The following CDH17 variants were observed in gnomAD, a reference collection of about 807,000 sequenced individuals.
The protein encoded by CDH17 is cadherin-17.
CDH17 carries 67 observed loss-of-function variants against 86.3 expected under a neutral mutation model. That is an observed-to-expected ratio of 0.78 (90% CI 0.64 to 0.95). CDH17 has a LOEUF of 0.95. Among genes scored for constraint, CDH17 ranks in the 40% least tolerant of loss-of-function variants. CDH17 has a pLI of 0.00. For synonymous variants in CDH17, 367 were observed against 366.4 expected (o/e 1.00, Z -0.02); for missense variants, 993 against 1,017.6 (o/e 0.98, Z 0.33).
intron 15 of CDH17, among the ~76,000 whole-genome samples, chr8:94,135,384 T>C (rs1812503058): frequency 6.6e-6 from 1 of 152,244 alleles, no homozygotes; most frequent in Admixed American, 6.5e-5. Flanking sequence ...GCTCTTCTTG[T>C]TGAATTGATC....
At chr8:94,169,105 A>G (rs1356615836) in intron 9 of CDH17, among the ~76,000 whole-genome samples, 1 of 152,172 alleles carries the variant, frequency 6.6e-6, no homozygotes, top group Non-Finnish European at 1.5e-5. Context: ...GATTGGCCCA[A>G]TGTAAAAGAG....
At chr8:94,195,744 A>G (rs998217419) in intron 1 of CDH17, among the ~76,000 whole-genome samples, 1 of 145,850 alleles carries the variant, frequency 6.9e-6, no homozygotes, top group African/African-American at 2.6e-5. Flanking sequence ...CCCCTCCCCA[A>G]AAGACAGTCA....
intron 1 of CDH17, among the ~76,000 whole-genome samples, chr8:94,216,650 A>G (rs936061453): frequency 1.2e-4 from 18 of 151,212 alleles, no homozygotes; most frequent in African/African-American, 3.4e-4. Flanking sequence ...AACCAGGACT[A>G]TATCTAAAGG....
chr8:94,150,315 C>T (rs574074141), intron 13 of CDH17, among the ~76,000 whole-genome samples: 1 of 152,170 alleles, frequency 6.6e-6, no homozygotes, highest in African/African-American at 2.4e-5. Flanking sequence ...ACGGCAGGGG[C>T]AAGGACGAAT....
At chr8:94,175,532 A>C (rs2130643925) in intron 5 of CDH17, among the ~76,000 whole-genome samples, 1 of 152,328 alleles carries the variant, frequency 6.6e-6, no homozygotes, top group East Asian at 1.9e-4. Flanking sequence ...CTAATACAGT[A>C]AATGTTAATA....
Position 94,127,929 on chromosome 8 carries a change from TTAAAAATACAAAAA to T in CDH17, c.*297_*310del, listed in dbSNP as rs1206247542. 7.4e-6 allele frequency: 2 copies of T among 269,350 alleles called. No individual in the cohort carries two copies. The highest frequency in any genetic ancestry group is 1.3e-3 in the Middle Eastern group (1 of 770). 16.7% of individuals were successfully genotyped at this position (269,350 alleles called of 1,614,324 possible). On this transcript the variant is annotated 3_prime_UTR_variant, in exon 18 of 18. Coordinates refer to ENST00000027335, the MANE Select transcript of CDH17 (RefSeq NM_004063.4). ...GCCAAATGGCGAAACCCCGTCTCTA[TTAAAAATACAAAAA>T]TTAGCTGGGCATGGTGGTGGGTGCC...
At chr8:94,178,482 C>G (rs1813416510) in intron 3 of CDH17, among the ~76,000 whole-genome samples, 1 of 151,862 alleles carries the variant, frequency 6.6e-6, no homozygotes, top group African/African-American at 2.4e-5. Context: ...ATAATTTACC[C>G]TAAGGAAATA....
intron 1 of CDH17, among the ~76,000 whole-genome samples, chr8:94,195,792 G>C (rs889697362): frequency 6.7e-6 from 1 of 148,700 alleles, no homozygotes; most frequent in African/African-American, 2.5e-5. Context: ...ACAGAGTCCT[G>C]CTCTGTCGCC....
chr8:94,216,562 T>TG (rs1363100318), intron 1 of CDH17, among the ~76,000 whole-genome samples: 2 of 37,066 alleles, frequency 5.4e-5, no homozygotes, highest in South Asian at 1.3e-3. Context: ...CCAGAGGGTT[T>TG]GTTTTTTTTT....
chr8:94,196,835 T>C (rs974165485), intron 1 of CDH17, among the ~76,000 whole-genome samples: 13 of 152,256 alleles, frequency 8.5e-5, no homozygotes, highest in Middle Eastern at 6.8e-3. Context: ...GGCGGCTCCA[T>C]CTTCCCTTTT....
chr8:94,139,947 G>GA (rs1303028671), intron 15 of CDH17, among the ~76,000 whole-genome samples: 2 of 151,756 alleles, frequency 1.3e-5, no homozygotes, highest in Admixed American at 6.6e-5. Context: ...AGTACTGAAA[G>GA]AAAAAATGTC....
intron 1 of CDH17, chr8:94,201,948 C>A (rs575572144): frequency 9.9e-6 from 2 of 202,302 alleles, no homozygotes; most frequent in Non-Finnish European, 2.0e-5. Flanking sequence ...ATTCCATTCA[C>A]CAGGGCACAC....
At chr8:94,188,941 C>A (rs939856344) in intron 3 of CDH17, among the ~76,000 whole-genome samples, 15 of 152,186 alleles carry the variant, frequency 9.9e-5, no homozygotes, top group African/African-American at 3.4e-4. Flanking sequence ...AGCCACCAAG[C>A]TCCCTGCAGA....
chr8:94,199,059 ATATATATATATATATATATATATATT>A (rs1376622823), intron 1 of CDH17, among the ~76,000 whole-genome samples: 54 of 76,038 alleles, frequency 7.1e-4, no homozygotes, highest in Middle Eastern at 7.5e-3. Context: ...ATATATATAT[ATATATATATATATATATATATATATT>A]TTTTTTTTTT....
At chr8:94,128,423 G>C in intron 17 of CDH17, 83 bp from the exon 18 acceptor site, 1 of 840,580 alleles carries the variant, frequency 1.2e-6, no homozygotes, top group South Asian at 1.6e-5. Flanking sequence ...TATTGTGGTA[G>C]GAAAAAAATG....
intron 14 of CDH17, among the ~76,000 whole-genome samples, chr8:94,148,541 C>CAAAAAAAA (rs59942237): frequency 3.4e-5 from 1 of 29,198 alleles, no homozygotes; most frequent in Non-Finnish European, 6.8e-5. Flanking sequence ...GACTCCATCT[C>CAAAAAAAA]AAAAAAAAAA....
intron 7 of CDH17, among the ~76,000 whole-genome samples, chr8:94,173,195 G>T (rs543969507): frequency 6.6e-6 from 1 of 152,104 alleles, no homozygotes; most frequent in Non-Finnish European, 1.5e-5. Context: ...ATCTGATGTC[G>T]TTTGGATGTT....
At chr8:94,178,025 A>G (rs1429087536) in intron 3 of CDH17, among the ~76,000 whole-genome samples, 1 of 152,224 alleles carries the variant, frequency 6.6e-6, no homozygotes, top group Non-Finnish European at 1.5e-5. Flanking sequence ...TGACATTACT[A>G]GCTTCTAAGA....
chr8:94,216,796 G>GT (rs1814201702), intron 1 of CDH17, among the ~76,000 whole-genome samples: 1 of 152,174 alleles, frequency 6.6e-6, no homozygotes, highest in African/African-American at 2.4e-5. Flanking sequence ...CTAAAGAGAG[G>GT]TTTTTCTCAG....
Sources: allele counts gnomAD v4.1 joint callset (sites outside exome capture counted in the v4.1 genomes callset), GRCh38; gene constraint gnomAD v4.1.1; transcripts MANE v1.5; gene names NCBI Gene and HGNC (gene_info 2026-07-23, HGNC 2026-07-21).